Variants in PLEKHA5 observed in about 807,000 individuals in gnomAD.
The protein encoded by PLEKHA5 is pleckstrin homology domain containing A5, also known as pleckstrin homology domain-containing family A member 5.
A neutral mutation model predicts 181.9 loss-of-function variants in PLEKHA5; 55 were observed. That is an observed-to-expected ratio of 0.30 (90% CI 0.24 to 0.38). The LOEUF is 0.38. Among genes scored for constraint, PLEKHA5 ranks in the 10% least tolerant of loss-of-function variants. The pLI is 1.00. For synonymous variants in PLEKHA5, 535 were observed against 529.4 expected (o/e 1.01, Z -0.15); for missense variants, 1,432 against 1,549.5 (o/e 0.92, Z 1.27).
intron 3 of PLEKHA5, chr12:19,202,064 A>G (rs1395050828): frequency 1.1e-6 from 1 of 879,640 alleles, no homozygotes. Flanking sequence ...GTTACTCCCC[A>G]CTCTTCCCCT....
chr12:19,288,323 G>C (rs950780297), intron 13 of PLEKHA5, among the ~76,000 whole-genome samples: 1 of 152,120 alleles, frequency 6.6e-6, no homozygotes, highest in Non-Finnish European at 1.5e-5. Flanking sequence ...ACAAGCGTTC[G>C]ATCAAAGCAA....
chr12:19,240,045 A>G (rs1012279918), intron 3 of PLEKHA5, among the ~76,000 whole-genome samples: 4 of 152,240 alleles, frequency 2.6e-5, no homozygotes, highest in African/African-American at 9.6e-5. Context: ...TTTTTGTATC[A>G]TAGGAATATC....
At chr12:19,373,125 A>T (rs1423970769) in intron 31 of PLEKHA5, 1 of 152,222 alleles carries the variant, frequency 6.6e-6, no homozygotes, top group Non-Finnish European at 1.5e-5. Flanking sequence ...AGGTGCGGTA[A>T]TGCCAGCACT....
At chr12:19,157,833 A>G (rs1279484551) in intron 3 of PLEKHA5, among the ~76,000 whole-genome samples, 1 of 152,182 alleles carries the variant, frequency 6.6e-6, no homozygotes, top group Non-Finnish European at 1.5e-5. Flanking sequence ...ACTGCCATGT[A>G]CAATATAAAC....
intron 22 of PLEKHA5, among the ~76,000 whole-genome samples, chr12:19,345,428 T>A (rs1565644247): frequency 6.7e-6 from 1 of 148,802 alleles, no homozygotes; most frequent in African/African-American, 2.5e-5. Context: ...AAAATAAAAA[T>A]AAATAAAAAT....
chr12:19,364,213 A>G (rs2095351504), intron 29 of PLEKHA5, among the ~76,000 whole-genome samples: 1 of 152,110 alleles, frequency 6.6e-6, no homozygotes, highest in African/African-American at 2.4e-5. Context: ...GAGTCAGAGT[A>G]TCATTGTTTT....
At chr12:19,213,218 A>G (rs948520204) in intron 3 of PLEKHA5, among the ~76,000 whole-genome samples, 3 of 151,990 alleles carry the variant, frequency 2.0e-5, no homozygotes, top group African/African-American at 7.2e-5. Flanking sequence ...GCCCAAGGAT[A>G]TGAGGGTGTG....
intron 3 of PLEKHA5, among the ~76,000 whole-genome samples, chr12:19,141,463 C>T (rs373991182): frequency 9.9e-5 from 15 of 152,236 alleles, no homozygotes; most frequent in African/African-American, 3.4e-4. Context: ...CATTGGAAGT[C>T]AAGATGTGAA....
intron 6 of PLEKHA5, among the ~76,000 whole-genome samples, chr12:19,258,873 A>G (rs987471273): frequency 2.0e-5 from 3 of 152,024 alleles, no homozygotes; most frequent in Non-Finnish European, 4.4e-5. Flanking sequence ...CCCAGTTTCT[A>G]ATAGAAAATT....
chr12:19,230,663 G>T (rs1020492813), intron 3 of PLEKHA5, among the ~76,000 whole-genome samples: 1 of 152,138 alleles, frequency 6.6e-6, no homozygotes, highest in East Asian at 1.9e-4. Flanking sequence ...TGCGGCCCGC[G>T]GAGCCTGTGC....
intron 3 of PLEKHA5, among the ~76,000 whole-genome samples, chr12:19,139,238 G>A (rs1375090099): frequency 6.6e-6 from 1 of 152,192 alleles, no homozygotes; most frequent in Admixed American, 6.5e-5. Flanking sequence ...CAAGAATGAT[G>A]ATGAGACCCT....
At position 19,130,761 on chromosome 12, in the gene PLEKHA5, G is replaced by A. The variant is rs935073274; in HGVS notation, c.169+631G>A. 1 of 152,258 alleles carries A rather than the reference G, an allele frequency of 6.6e-6. No individual in the cohort carries two copies. Among genetic ancestry groups the A allele is most frequent in the African/African-American group, 2.4e-5 (1 of 41,464 alleles). 9.4% of individuals were successfully genotyped at this position (152,258 alleles called of 1,614,324 possible). A position where few individuals can be genotyped will look rare whatever the true frequency, so the allele number is the denominator to read the frequency against. The stretch of plus-strand genomic sequence containing the variant: ...ACAGGGAACGGCTCGGGAAACGCTT[G>A]GCGCGTTCCCTCCTGCCACGGGAGG... On this transcript the variant is annotated intron_variant, in intron 2 of 31. Transcript: ENST00000429027. The surrounding 1 kb of genome is among the most constrained non-coding windows in gnomAD (Gnocchi z 4.5).
In PLEKHA5 at chr12:19,297,753, A is replaced by ATT. The variant is rs36109060; in HGVS notation, c.2037+6071_2037+6072dup. ...CTTTATAATTTACCAGTAAATTATTATTTTTTTTTTTTTTTTGAGAATGAA... is the reference window on the plus strand; with the variant it reads ...CTTTATAATTTACCAGTAAATTATTATTTTTTTTTTTTTTTTTTGAGAATGAA... On this transcript the variant is annotated intron_variant, in intron 15 of 31. Coordinates refer to ENST00000429027, the MANE Select transcript of PLEKHA5 (RefSeq NM_001256470.2). Among the ~76,000 whole-genome samples the ATT allele has an allele frequency of 5.6e-3, 777 of 139,036 alleles. 5 individuals carry two copies. The highest frequency in any genetic ancestry group is 0.018 in the African/African-American group (673 of 37,870). The allele number at this position is 139,036 out of a possible 152,430, so 91.2% of individuals were successfully genotyped here.
chr12:19,359,485 C>G lies in PLEKHA5; in HGVS notation c.3422C>G (p.Pro1141Arg), dbSNP rs1349621060. 1 of 1,613,714 alleles carries G rather than the reference C, an allele frequency of 6.2e-7. No homozygotes were observed. The highest frequency in any genetic ancestry group is 2.2e-5 in the East Asian group (1 of 44,872). Residue 1141 changes from proline (P) to arginine (R), a missense_variant, in exon 28 of 32, where the codon CCT becomes CGT. Physicochemically the swap from Pro to Arg is moderately radical, Grantham distance 103. This residue lies in a region of PLEKHA5 where 1,143 missense variants were observed against 1,168.4 expected (regional missense o/e 0.98). Transcript: ENST00000429027. ...ENDVKPDHET[P>R]ATEIVQLKET... ...GATGTAAAGCCAGACCATGAAACTC[C>G]TGCAACAGAAATTGTTCAACTAAAA...
At position 19,374,806 on chromosome 12, in the gene PLEKHA5, T is replaced by G. The variant is rs2095673625; in HGVS notation, c.*12-725T>G. 3.3e-5 allele frequency among the ~76,000 whole-genome samples: 5 copies of G among 150,264 alleles called. No homozygotes were observed. The South Asian group carries it at 8.4e-4, about 25-fold the overall frequency. ...CCCGTCTCTACTAAAATACAAAAAA[T>G]TAGCTGGATGTGGTGATGTGCACCT... On this transcript the variant is annotated intron_variant, in intron 31 of 31. Coordinates refer to ENST00000429027, the MANE Select transcript of PLEKHA5 (RefSeq NM_001256470.2).
At chr12:19,192,601 G>A (rs867627694) in intron 3 of PLEKHA5, among the ~76,000 whole-genome samples, 14 of 152,330 alleles carry the variant, frequency 9.2e-5, no homozygotes, top group Middle Eastern at 3.4e-3. Context: ...CACTCGGGTG[G>A]CTGAGGCAGG....
chr12:19,274,803 G>A lies in PLEKHA5; in HGVS notation c.1133G>A (p.Ser378Asn), dbSNP rs569717972. The A allele has an allele frequency of 4.2e-4, 678 of 1,614,168 alleles. 14 individuals are homozygous for A. The South Asian group carries it at 7.2e-3, about 17-fold the overall frequency. ...GTGCACTACAGACCAATCAACTTGA[G>A]CAGTTCAGAGAACAAAATAGTCAAT... ...QTVHYRPINL[S>N]SSENKIVNVS... is the part of the protein sequence containing the mutation. The change falls in exon 11 of 32, where the codon AGC becomes AAC. Residue 378 changes from serine to asparagine, a missense_variant. By Grantham distance (46) the Ser-to-Asn change is conservative. Around this residue, in one of 2 missense-constraint regions of PLEKHA5, gnomAD observed 1,143 missense variants for 1,168.4 expected, o/e 0.98. Coordinates refer to ENST00000429027, the MANE Select transcript of PLEKHA5 (RefSeq NM_001256470.2).
intron 26 of PLEKHA5, among the ~76,000 whole-genome samples, chr12:19,354,565 C>G (rs906660072): frequency 1.3e-5 from 2 of 149,604 alleles, no homozygotes; most frequent in East Asian, 2.0e-4. Flanking sequence ...ACTGCAAACT[C>G]TGCCTCCCGG....
chr12:19,359,271 T>C, intron 27 of PLEKHA5, 141 bp from the exon 28 acceptor site: 1 of 619,390 alleles, frequency 1.6e-6, no homozygotes, highest in South Asian at 2.8e-5. Flanking sequence ...TATATAAATT[T>C]TCTTTGTTAG....
Sources: allele counts gnomAD v4.1 joint callset (sites outside exome capture counted in the v4.1 genomes callset), GRCh38; gene constraint gnomAD v4.1.1; regional missense constraint gnomAD v4.1.1; non-coding constraint Gnocchi (gnomAD v3.1); transcripts MANE v1.5; gene names NCBI Gene and HGNC (gene_info 2026-07-23, HGNC 2026-07-21).